Variants in NAV2 observed in about 807,000 individuals in gnomAD.
NAV2 encodes neuron navigator 2, also known as helicase, APC down-regulated 1.
NAV2 carries 54 observed loss-of-function variants against 223.2 expected under a neutral mutation model. The observed-to-expected ratio is 0.24, with a 90% confidence interval of 0.19 to 0.30. The LOEUF is 0.30. Ranked by LOEUF, NAV2 falls within the 10% of genes least tolerant of loss-of-function variation. The pLI, the probability that NAV2 is intolerant of heterozygous loss-of-function variation, is 1.00. For missense variants in NAV2, 2,806 were observed against 3,147.5 expected (o/e 0.89, Z 2.60); for synonymous variants, 1,279 against 1,239.3 (o/e 1.03, Z -0.67).
intron 1 of NAV2, among the ~76,000 whole-genome samples, chr11:19,666,284 C>G (rs1420249856): frequency 6.6e-6 from 1 of 152,186 alleles, no homozygotes; most frequent in African/African-American, 2.4e-5. Flanking sequence ...GGGTGGGGCC[C>G]AACACATATA....
intron 19 of NAV2, among the ~76,000 whole-genome samples, chr11:20,058,637 C>G (rs1287578668): frequency 1.3e-5 from 2 of 152,168 alleles, no homozygotes; most frequent in African/African-American, 4.8e-5. Flanking sequence ...ATCAAGAAAG[C>G]TTGTATTGCA....
At chr11:19,843,814 G>A (rs2060636862) in intron 3 of NAV2, among the ~76,000 whole-genome samples, 1 of 149,744 alleles carries the variant, frequency 6.7e-6, no homozygotes, top group Non-Finnish European at 1.5e-5. Flanking sequence ...TACCTCCTTT[G>A]AGTAGGCACA....
chr11:20,065,807 G>A (rs78279942), intron 20 of NAV2, among the ~76,000 whole-genome samples: 10,185 of 152,238 alleles, frequency 0.067, 403 homozygotes, highest in Middle Eastern at 0.13. Context: ...ACAGGCCTCC[G>A]CCAGCCTTCT....
At chr11:19,521,966 G>A (rs532191671) in intron 1 of NAV2, among the ~76,000 whole-genome samples, 1 of 152,206 alleles carries the variant, frequency 6.6e-6, no homozygotes, top group Non-Finnish European at 1.5e-5. Context: ...GGGTTTTAGA[G>A]TTTAGGCAGA....
chr11:19,823,890 C>G (rs1782248567), intron 1 of NAV2, among the ~76,000 whole-genome samples: 1 of 151,842 alleles, frequency 6.6e-6, no homozygotes, highest in South Asian at 2.1e-4. Flanking sequence ...ACGTTCTACA[C>G]ACATATCTGA....
chr11:20,091,570 T>C (rs1368630367), intron 27 of NAV2, among the ~76,000 whole-genome samples: 3 of 152,208 alleles, frequency 2.0e-5, no homozygotes, highest in Non-Finnish European at 4.4e-5. Context: ...CCCTCCCACC[T>C]TCTGCCATGG....
rs372989005 is a variant in NAV2 at position 19,930,384 on chromosome 11, G to A, written c.932-2792G>A. ...GCCTCAGAGTAGTTCCAAGCGGTAAGATCACATTGATCCATGTACACGTGG... is the reference window on the plus strand; with the variant it reads ...GCCTCAGAGTAGTTCCAAGCGGTAAAATCACATTGATCCATGTACACGTGG... On this transcript the variant is annotated intron_variant, in intron 6 of 37. Coordinates refer to ENST00000349880, the MANE Select transcript of NAV2 (RefSeq NM_145117.5). Among the ~76,000 whole-genome samples, 23 of 152,268 alleles carry A rather than the reference G, an allele frequency of 1.5e-4. No individual in the cohort carries two copies. In the East Asian group the frequency reaches 4.3e-3, roughly 28 times the overall value.
intron 6 of NAV2, among the ~76,000 whole-genome samples, chr11:19,893,519 A>C (rs902046887): frequency 6.6e-6 from 1 of 152,156 alleles, no homozygotes; most frequent in South Asian, 2.1e-4. Context: ...CAGCCCTCCT[A>C]CTGTGAATGA....
chr11:19,689,370 C>T (rs149753716), intron 1 of NAV2, among the ~76,000 whole-genome samples: 63 of 152,284 alleles, frequency 4.1e-4, no homozygotes, highest in African/African-American at 1.5e-3. Context: ...AGCCTAGAAC[C>T]AGGAATGGGA....
intron 14 of NAV2, 74 bp downstream of exon 14, chr11:20,045,744 G>C (rs986199041): frequency 7.2e-6 from 9 of 1,245,078 alleles, no homozygotes; most frequent in Non-Finnish European, 8.9e-6. Flanking sequence ...CTGTTTCTTA[G>C]TTGAAGCACC....
chr11:19,838,346 AG>A (rs541241647), intron 2 of NAV2, among the ~76,000 whole-genome samples: 55 of 152,210 alleles, frequency 3.6e-4, no homozygotes, highest in African/African-American at 1.3e-3. Context: ...AATCACAGAA[AG>A]GTTCCTCAAG....
rs543132612 is a variant in NAV2, at chr11:19,877,616, G to A, written c.512-2253G>A. ...GCCTCCTGAGTAGCTGGGACCACAC[G>A]CGCCCGCCACCACGCCCGGCTAATT... is the stretch of plus-strand genomic sequence containing the variant. On this transcript the variant is annotated intron_variant, in intron 4 of 37. Coordinates refer to ENST00000349880, the MANE Select transcript of NAV2 (RefSeq NM_145117.5). Among the ~76,000 whole-genome samples, 26 of 151,666 alleles carry A rather than the reference G, an allele frequency of 1.7e-4. No individual in the cohort carries two copies. In the South Asian group the frequency reaches 2.5e-3, roughly 15 times the overall value.
chr11:19,501,948 T>C (rs1196536131), intron 1 of NAV2, among the ~76,000 whole-genome samples: 1 of 152,160 alleles, frequency 6.6e-6, no homozygotes, highest in Non-Finnish European at 1.5e-5. Flanking sequence ...AGCAGTTATA[T>C]CCTTTTTAGC....
intron 1 of NAV2, among the ~76,000 whole-genome samples, chr11:19,483,854 C>G (rs1400474338): frequency 6.6e-6 from 1 of 152,014 alleles, no homozygotes; most frequent in Non-Finnish European, 1.5e-5. Context: ...TTTCAGAAGA[C>G]AAGACTGGGG....
At chr11:19,371,262 G>A (rs796500489) in intron 1 of NAV2, among the ~76,000 whole-genome samples, 1 of 151,882 alleles carries the variant, frequency 6.6e-6, no homozygotes, top group South Asian at 2.1e-4. Flanking sequence ...TTTTTTCCAC[G>A]GGGCAATGCC....
chr11:19,764,604 A>G (rs1442561142), intron 1 of NAV2, among the ~76,000 whole-genome samples: 4 of 152,256 alleles, frequency 2.6e-5, no homozygotes, highest in Non-Finnish European at 5.9e-5. Context: ...GAGAATGAAT[A>G]TGAAATACTT....
At position 19,449,627 on chromosome 11, in the gene NAV2, G is replaced by T. The variant is rs1453391257; in HGVS notation, c.75+98600G>T. On this transcript the variant is annotated intron_variant, in intron 1 of 37. Coordinates refer to the NAV2 transcript ENST00000360655. ...GGGTGTGTGTGTGTGTTGTGGGGGT[G>T]GGGGGGTAGGGGCACGGGGTGGGGT... Among the ~76,000 whole-genome samples, 8 of 151,214 alleles carry T rather than the reference G, an allele frequency of 5.3e-5. 1 individual carries two copies. In the South Asian group the frequency reaches 1.3e-3, roughly 24 times the overall value.
chr11:19,405,900 G>C (rs1849874523), intron 1 of NAV2, among the ~76,000 whole-genome samples: 1 of 152,122 alleles, frequency 6.6e-6, no homozygotes, highest in Admixed American at 6.5e-5. Context: ...TATCTAGGAG[G>C]GATGTCATAG....
At chr11:19,703,064 C>T (rs2049555839) in intron 1 of NAV2, among the ~76,000 whole-genome samples, 1 of 151,430 alleles carries the variant, frequency 6.6e-6, no homozygotes, top group African/African-American at 2.4e-5. Flanking sequence ...TACGTATGTA[C>T]ACACACATAA....
Sources: allele counts gnomAD v4.1 joint callset (sites outside exome capture counted in the v4.1 genomes callset), GRCh38; gene constraint gnomAD v4.1.1; transcripts MANE v1.5; gene names NCBI Gene and HGNC (gene_info 2026-07-23, HGNC 2026-07-21).